The following WDPCP variants were observed in gnomAD, a reference collection of about 807,000 sequenced individuals.
WDPCP encodes WD repeat containing planar cell polarity effector.
In WDPCP, 71 loss-of-function variants were observed where a neutral mutation model predicts 93.1. The ratio of observed to expected loss-of-function variants is 0.76; its 90% confidence interval spans 0.63 to 0.93. WDPCP has a LOEUF of 0.93. Among genes scored for constraint, WDPCP ranks in the 40% least tolerant of loss-of-function variants. The probability of loss-of-function intolerance (pLI) is 0.00; values close to 1 mark genes in which losing one functional copy is unlikely to be tolerated. For synonymous variants in WDPCP, 315 were observed against 315.0 expected, an observed-to-expected ratio of 1.00 and a Z score of 0.00; for missense variants, 844 against 887.4, an observed-to-expected ratio of 0.95 and a Z score of 0.62.
At chr2:63,471,537 G>A (rs1297321294) in intron 6 of WDPCP, among the ~76,000 whole-genome samples, 6 of 152,218 alleles carry the variant, frequency 3.9e-5, no homozygotes, top group Non-Finnish European at 5.9e-5. Flanking sequence ...AAGGAGTAGT[G>A]TCTTCAATAG....
chr2:63,564,851 C>G (rs528777486), intron 1 of WDPCP, among the ~76,000 whole-genome samples: 19 of 149,716 alleles, frequency 1.3e-4, no homozygotes, highest in African/African-American at 4.7e-4. Flanking sequence ...GATCTTGGCT[C>G]ACTGCAACCT....
At chr2:63,183,403 T>C (rs146700002) in intron 14 of WDPCP, among the ~76,000 whole-genome samples, 69 of 152,204 alleles carry the variant, frequency 4.5e-4, no homozygotes, top group African/African-American at 1.6e-3. Flanking sequence ...CATTCAGGGA[T>C]ATGTTATCCA....
At chr2:63,399,130 T>A (rs1693961469) in intron 10 of WDPCP, among the ~76,000 whole-genome samples, 1 of 152,192 alleles carries the variant, frequency 6.6e-6, no homozygotes, top group South Asian at 2.1e-4. Context: ...AAAGAGCCTA[T>A]AAGACTGTAC....
chr2:63,766,542 T>C (rs907618368), intron 2 of WDPCP, among the ~76,000 whole-genome samples: 1 of 151,564 alleles, frequency 6.6e-6, no homozygotes, highest in African/African-American at 2.4e-5. Context: ...TCTTACTCTA[T>C]GGATATACTT....
chr2:63,378,160 T>C (rs1692009739), intron 12 of WDPCP: 2 of 549,758 alleles, frequency 3.6e-6, no homozygotes, highest in Admixed American at 3.1e-5. Context: ...AAGAGGAAGG[T>C]ATATTAAAAA....
chr2:63,295,208 A>C (rs75299130), intron 13 of WDPCP, among the ~76,000 whole-genome samples: 2,114 of 152,272 alleles, frequency 0.014, 47 homozygotes, highest in African/African-American at 0.047. Context: ...CAATCACCCA[A>C]ACATGAAAAA....
chr2:63,221,198 T>C (rs1310947903), intron 14 of WDPCP, among the ~76,000 whole-genome samples: 2 of 152,210 alleles, frequency 1.3e-5, no homozygotes, highest in Non-Finnish European at 2.9e-5. Context: ...GTGTTGTCTA[T>C]ATCATATGTC....
At chr2:63,657,843 G>C (rs955690689) in intron 2 of WDPCP, among the ~76,000 whole-genome samples, 1 of 152,070 alleles carries the variant, frequency 6.6e-6, no homozygotes, top group Non-Finnish European at 1.5e-5. Flanking sequence ...CTGGTTCCCT[G>C]TCCAGCTGGC....
chr2:63,801,418 A>G (rs938806521), intron 2 of WDPCP, among the ~76,000 whole-genome samples: 5 of 152,138 alleles, frequency 3.3e-5, no homozygotes, highest in Non-Finnish European at 7.4e-5. Context: ...GGTGGTAGGG[A>G]GGCAAAGAGT....
intron 13 of WDPCP, among the ~76,000 whole-genome samples, chr2:63,261,096 C>A (rs1213450642): frequency 1.3e-5 from 2 of 151,772 alleles, no homozygotes; most frequent in South Asian, 2.1e-4. Flanking sequence ...GTGATAAAAT[C>A]ATTTCATTTC....
At chr2:63,612,649 A>C (rs1371273748) in intron 3 of WDPCP, among the ~76,000 whole-genome samples, 1 of 152,186 alleles carries the variant, frequency 6.6e-6, no homozygotes, top group Non-Finnish European at 1.5e-5. Context: ...GAAAGCTTAA[A>C]ACCTTTTCCT....
chr2:63,840,328 G>A, the WDPCP span, among the ~76,000 whole-genome samples: 1 of 152,228 alleles, frequency 6.6e-6, no homozygotes, highest in South Asian at 2.1e-4. Context: ...TTTCCTTGAG[G>A]ACTTCAAGAA....
At chr2:63,676,726 G>A (rs1710407411) in intron 2 of WDPCP, among the ~76,000 whole-genome samples, 1 of 152,118 alleles carries the variant, frequency 6.6e-6, no homozygotes, top group Non-Finnish European at 1.5e-5. Context: ...CGGTATAGTT[G>A]AGTATCTCAT....
Position 63,556,141 on chromosome 2 carries a change from G to C in WDPCP, c.75+32056C>G, listed in dbSNP as rs766405712. Among the ~76,000 whole-genome samples the C allele has an allele frequency of 9.2e-5, 14 of 152,310 alleles. No individual in the cohort carries two copies. The South Asian group carries it at 2.9e-3, about 32-fold the overall frequency. ...GCTGTTAACCAGAATAACCAGTTTA[G>C]AGAGGAACATCAATGACCTGATGGA... On this transcript the variant is annotated intron_variant, in intron 1 of 17. Transcript: ENST00000272321.
chr2:63,178,567 T>C (rs566922409), intron 14 of WDPCP, among the ~76,000 whole-genome samples: 3 of 152,270 alleles, frequency 2.0e-5, no homozygotes, highest in African/African-American at 7.2e-5. Context: ...TCTTTCACTT[T>C]TGATTTTAGT....
chr2:63,765,744 GC>G (rs1042276733), intron 2 of WDPCP, among the ~76,000 whole-genome samples: 5 of 152,166 alleles, frequency 3.3e-5, no homozygotes, highest in Non-Finnish European at 7.4e-5. Context: ...GACAGGGTTG[GC>G]CTACTGCCTG....
intron 3 of WDPCP, chr2:63,643,886 T>C (rs921312256): frequency 2.1e-5 from 11 of 529,944 alleles, no homozygotes; most frequent in Admixed American, 9.9e-5. Flanking sequence ...TGTCAAGGCA[T>C]ACTTAAGTCT....
At chr2:63,361,078 CAAGAT>C (rs1217949454) in intron 12 of WDPCP, among the ~76,000 whole-genome samples, 2 of 152,066 alleles carry the variant, frequency 1.3e-5, no homozygotes, top group African/African-American at 4.8e-5. Flanking sequence ...GTTTTCGTGA[CAAGAT>C]AAGATGGAAG....
intron 8 of WDPCP, among the ~76,000 whole-genome samples, chr2:63,437,119 C>G (rs986305552): frequency 1.3e-5 from 2 of 152,008 alleles, no homozygotes; most frequent in Non-Finnish European, 2.9e-5. Flanking sequence ...GGTATATATA[C>G]TACCACTGGC....
Sources: gnomAD v4.1 joint callset for allele counts (sites outside exome capture counted in the v4.1 genomes callset) on GRCh38, gnomAD v4.1.1 for gene constraint, MANE v1.5 for transcripts, NCBI Gene and HGNC (gene_info 2026-07-23, HGNC 2026-07-21) for gene names.